PRRC2C: variants seen among roughly 807,000 people sequenced by gnomAD.
PRRC2C encodes proline rich coiled-coil 2C.
Under a neutral mutation model 317.2 loss-of-function variants are expected in PRRC2C, and 72 were observed. That is an observed-to-expected ratio of 0.23 (90% CI 0.19 to 0.28). The LOEUF is 0.28. Among genes scored for constraint, PRRC2C ranks in the 10% least tolerant of loss-of-function variants. PRRC2C has a pLI of 1.00. For synonymous variants in PRRC2C, 1,296 were observed against 1,205.9 expected (o/e 1.07, Z -1.55); for missense variants, 3,074 against 3,459.7 (o/e 0.89, Z 2.80).
At chr1:171,585,203 T>C (rs969638641) in intron 30 of PRRC2C, among the ~76,000 whole-genome samples, 1 of 152,190 alleles carries the variant, frequency 6.6e-6, no homozygotes, top group African/African-American at 2.4e-5. Context: ...GTCCAGAATA[T>C]AGTTACATTA....
At chr1:171,524,741 AT>A (rs1374387880) in intron 9 of PRRC2C, 79 bp from the exon 10 acceptor site, 16 of 1,377,292 alleles carry the variant, frequency 1.2e-5, no homozygotes, top group Admixed American at 3.0e-5. Context: ...TACAGAAATA[AT>A]TTTTTTAATT....
intron 11 of PRRC2C, 52 bp from the exon 12 acceptor site, chr1:171,532,291 T>C: frequency 6.5e-7 from 1 of 1,528,488 alleles, no homozygotes; most frequent in South Asian, 1.3e-5. Context: ...TGATACCCAG[T>C]GTTAGTCAGA....
intron 26 of PRRC2C, 134 bp downstream of exon 26, chr1:171,577,771 ATTT>A (rs1553245738): frequency 0.011 from 3,284 of 294,300 alleles, 7 homozygotes; most frequent in East Asian, 0.019. Context: ...TTAAATTCGC[ATTT>A]TTTTTTTTTT....
intron 18 of PRRC2C, 104 bp downstream of exon 18, chr1:171,550,344 T>C: frequency 3.7e-6 from 4 of 1,086,690 alleles, no homozygotes. Context: ...GTTTTCATTA[T>C]TCAAGTGTTA....
Position 171,540,631 on chromosome 1 carries a change from G to A in PRRC2C, c.3165G>A (p.Thr1055=), listed in dbSNP as rs368331325. The change falls in exon 16 of 35, where the codon ACG becomes ACA. Residue 1055 remains threonine, a synonymous_variant. Coordinates refer to ENST00000647382, the MANE Select transcript of PRRC2C (RefSeq NM_001387844.1). The part of the protein sequence containing the change: ...TEKVVVKPEK[T]EKKDLPPPPP... ...AAGTAGTTGTAAAGCCTGAAAAGAC[G>A]GAAAAGAAGGATCTTCCTCCTCCCC... The A allele has an allele frequency of 5.0e-5, 81 of 1,613,794 alleles. No homozygotes were observed. In the African/African-American group the frequency reaches 9.3e-4, roughly 19 times the overall value.
chr1:171,498,821 T>C (rs939561151), intron 1 of PRRC2C, among the ~76,000 whole-genome samples: 1 of 152,152 alleles, frequency 6.6e-6, no homozygotes, highest in African/African-American at 2.4e-5. Context: ...TTTTTTTTGT[T>C]TTTGGAGGGG....
chr1:171,526,805 CTTT>C lies in PRRC2C; in HGVS notation c.1201-967_1201-965del, dbSNP rs938229816. On this transcript the variant is annotated intron_variant, in intron 10 of 34. Coordinates refer to ENST00000647382, the MANE Select transcript of PRRC2C (RefSeq NM_001387844.1). ...AAAATCATTACATTCAGAAATATATCTTTTTTTTTTTTTTTTTTTTTGAGATGG... is the reference window on the plus strand; with the variant it reads ...AAAATCATTACATTCAGAAATATATCTTTTTTTTTTTTTTTTTTGAGATGG... Among the ~76,000 whole-genome samples the C allele has an allele frequency of 4.4e-3, 395 of 90,182 alleles. 8 individuals carry two copies. Among genetic ancestry groups the C allele is most frequent in the African/African-American group, 0.017 (358 of 21,548 alleles). The allele number at this position is 90,182 out of a possible 152,430, so 59.2% of individuals were successfully genotyped here.
At chr1:171,559,237 C>T (rs922231815) in intron 19 of PRRC2C, among the ~76,000 whole-genome samples, 3 of 152,290 alleles carry the variant, frequency 2.0e-5, no homozygotes, top group East Asian at 1.9e-4. Flanking sequence ...AAATTTTTAA[C>T]GTAGATGAAG....
chr1:171,565,675 T>C (rs1445012451), intron 20 of PRRC2C, among the ~76,000 whole-genome samples: 1 of 152,220 alleles, frequency 6.6e-6, no homozygotes. Context: ...CTCAAACTCC[T>C]GACCTCATCA....
Position 171,535,460 on chromosome 1 carries a change from A to G in PRRC2C, c.1906A>G (p.Asn636Asp). The G allele has an allele frequency of 1.2e-6, 2 of 1,613,960 alleles. No individual in the cohort carries two copies. Among genetic ancestry groups the G allele is most frequent in the Non-Finnish European group, 1.7e-6 (2 of 1,179,862 alleles). The change falls in exon 13 of 35, where the codon AAT (asparagine) becomes GAT (aspartate). Residue 636 changes from asparagine to aspartate, a missense_variant. This residue lies in a region of PRRC2C where 1,320 missense variants were observed against 1,395.7 expected (regional missense o/e 0.95). Coordinates refer to ENST00000647382, the MANE Select transcript of PRRC2C (RefSeq NM_001387844.1). Reference sequence around the variant, plus strand: ...ACCCGTTTTCACTAGACAAGACAGCAATCGCAGTGAAAAGGAAGCCACACC... The same window carrying G: ...ACCCGTTTTCACTAGACAAGACAGCGATCGCAGTGAAAAGGAAGCCACACC... ...EEPVFTRQDS[N>D]RSEKEATPVV...
Position 171,525,234 on chromosome 1 carries a change from A to G in PRRC2C, c.1200+269A>G, listed in dbSNP as rs113575768. On this transcript the variant is annotated intron_variant, in intron 10 of 34. Coordinates refer to ENST00000647382, the MANE Select transcript of PRRC2C (RefSeq NM_001387844.1). ...ATATAGCTCAATCATAGCAAAGTGT[A>G]GGGATAATATTTTTCTAAAATAAAA... Among the ~76,000 whole-genome samples, 961 of 152,290 alleles carry G rather than the reference A, an allele frequency of 6.3e-3. 12 individuals are homozygous for G. The highest frequency in any genetic ancestry group is 0.022 in the African/African-American group (910 of 41,564).
intron 1 of PRRC2C, among the ~76,000 whole-genome samples, chr1:171,504,694 T>G (rs530475292): frequency 3.3e-5 from 5 of 152,190 alleles, no homozygotes; most frequent in Admixed American, 6.5e-5. Flanking sequence ...GCAAGTAGTA[T>G]TCACCTTCCA....
chr1:171,542,591 G>A (rs1186368939), intron 16 of PRRC2C, among the ~76,000 whole-genome samples: 2 of 152,112 alleles, frequency 1.3e-5, no homozygotes, highest in Non-Finnish European at 2.9e-5. Context: ...ATGCTACACA[G>A]GTGTCCTCTG....
At position 171,504,024 on chromosome 1, in the gene PRRC2C, G is replaced by T. The variant is rs529498722; in HGVS notation, c.-57-8008G>T. 7.9e-5 allele frequency among the ~76,000 whole-genome samples: 12 copies of T among 152,164 alleles called. No individual in the cohort carries two copies. In the South Asian group the frequency reaches 2.5e-3, roughly 32 times the overall value. ...CCCATGACATGTGGGAATTGAGGGA[G>T]GTACAATTCAAGATGAAATTTGGTT... On this transcript the variant is annotated intron_variant, in intron 1 of 34. Transcript: ENST00000647382.
chr1:171,580,649 T>G (rs568183609), intron 28 of PRRC2C, among the ~76,000 whole-genome samples: 10 of 152,120 alleles, frequency 6.6e-5, no homozygotes, highest in African/African-American at 2.4e-4. Flanking sequence ...AGGCTTTTTT[T>G]GTTTTGTTTT....
intron 26 of PRRC2C, 110 bp downstream of exon 26, chr1:171,577,747 A>C: frequency 3.9e-6 from 3 of 764,762 alleles, no homozygotes; most frequent in South Asian, 2.0e-5. Flanking sequence ...CTTAAAGTAC[A>C]TTGCTGTAAA....
intron 16 of PRRC2C, among the ~76,000 whole-genome samples, chr1:171,543,338 A>G (rs1353436344): frequency 3.3e-5 from 5 of 152,038 alleles, no homozygotes; most frequent in African/African-American, 1.2e-4. Flanking sequence ...AAAAAAAAAA[A>G]AAGTTGGTTA....
chr1:171,579,293 T>G, intron 26 of PRRC2C, 61 bp from the exon 27 acceptor site: 3 of 1,528,122 alleles, frequency 2.0e-6, no homozygotes, highest in Admixed American at 2.1e-5. Context: ...TTTTATTTAC[T>G]GTTTGGAAAA....
In PRRC2C at chr1:171,535,530, C is replaced by A; in HGVS notation, c.1976C>A (p.Pro659Gln). The A allele has an allele frequency of 6.2e-7, 1 of 1,613,988 alleles. No homozygotes were observed. Among genetic ancestry groups the A allele is most frequent in the Non-Finnish European group, 8.5e-7 (1 of 1,179,896 alleles). ...CCAGAATCAGGGTCTCAACCTCGGC[C>A]GGCTGTATTATCTGGCTATTTCAAA... ...TEPESGSQPR[P>Q]AVLSGYFKQF... The change falls in exon 13 of 35, where the codon CCG becomes CAG. Residue 659 changes from proline (P) to glutamine (Q), a missense_variant. Transcript: ENST00000647382.
Sources: gnomAD v4.1 joint callset for allele counts (sites outside exome capture counted in the v4.1 genomes callset) on GRCh38, gnomAD v4.1.1 for gene constraint, gnomAD v4.1.1 regional missense constraint, MANE v1.5 for transcripts, NCBI Gene and HGNC (gene_info 2026-07-23, HGNC 2026-07-21) for gene names.